The following TBC1D12 variants were observed in gnomAD, a reference collection of about 807,000 sequenced individuals.
The protein encoded by TBC1D12 is TBC1 domain family member 12.
TBC1D12 carries 56 observed loss-of-function variants against 86.7 expected under a neutral mutation model. That is an observed-to-expected ratio of 0.65 (90% CI 0.52 to 0.81). TBC1D12 has a LOEUF of 0.81. Among genes scored for constraint, TBC1D12 ranks in the 30% least tolerant of loss-of-function variants. The pLI is 0.00. For synonymous variants in TBC1D12, 421 were observed against 411.7 expected (o/e 1.02, Z -0.27); for missense variants, 1,023 against 1,038.8 (o/e 0.98, Z 0.21).
intron 7 of TBC1D12, among the ~76,000 whole-genome samples, chr10:94,507,910 C>T (rs2056481022): frequency 6.6e-6 from 1 of 152,134 alleles, no homozygotes; most frequent in Non-Finnish European, 1.5e-5. Context: ...TGTCTTGAAC[C>T]TGGGAGGCAG....
At position 94,522,372 on chromosome 10, in the gene TBC1D12, T is replaced by C. The variant is rs534688453; in HGVS notation, c.1919T>C (p.Val640Ala). ...TTGAAATATTTTGCAACATTTGAAG[T>C]ATTCTTTGAAGAAAATCTTTCCAAA... ...MMLKYFATFE[V>A]FFEENLSKLF... is the part of the protein sequence containing the mutation. Residue 640 changes from valine (V) to alanine (A), a missense_variant, in exon 11 of 13, where the codon GTA (valine) becomes GCA (alanine). Coordinates refer to ENST00000225235, the MANE Select transcript of TBC1D12 (RefSeq NM_015188.2). 34 of 1,456,428 alleles carry C rather than the reference T, an allele frequency of 2.3e-5. No homozygotes were observed. The highest frequency in any genetic ancestry group is 3.2e-5 in the Non-Finnish European group (34 of 1,071,886). 90.2% of individuals were successfully genotyped at this position (1,456,428 alleles called of 1,614,324 possible).
chr10:94,504,028 T>C (rs1158783624), intron 6 of TBC1D12, among the ~76,000 whole-genome samples: 1 of 152,264 alleles, frequency 6.6e-6, no homozygotes, highest in African/African-American at 2.4e-5. Flanking sequence ...ATGACTTAAC[T>C]GTTCTCTCCA....
intron 9 of TBC1D12, among the ~76,000 whole-genome samples, chr10:94,515,243 T>C (rs959679879): frequency 2.6e-5 from 4 of 151,470 alleles, no homozygotes; most frequent in Admixed American, 6.6e-5. Context: ...CCAACACTTA[T>C]GTTTTGTCTT....
Position 94,535,201 on chromosome 10 carries a change from G to A in TBC1D12, c.*2105G>A, listed in dbSNP as rs145914395. The A allele has an allele frequency of 6.6e-6, 1 of 152,112 alleles. No homozygotes were observed. Among genetic ancestry groups the A allele is most frequent in the Admixed American group, 6.6e-5 (1 of 15,264 alleles). The allele number at this position is 152,112 out of a possible 1,614,324, so 9.4% of individuals were successfully genotyped here. A position where few individuals can be genotyped will look rare whatever the true frequency, so the allele number is the denominator to read the frequency against. On this transcript the variant is annotated 3_prime_UTR_variant, in exon 13 of 13. Coordinates refer to ENST00000225235, the MANE Select transcript of TBC1D12 (RefSeq NM_015188.2). ...TGAGGCAGCGAACACATCTTTAGGT[G>A]GGGGCAAGGCTATATCTGATTGACA...
At chr10:94,496,448 A>G (rs137895783) in intron 4 of TBC1D12, among the ~76,000 whole-genome samples, 181 of 152,284 alleles carry the variant, frequency 1.2e-3, no homozygotes, top group Admixed American at 3.5e-3. Flanking sequence ...AAGAGTTAAT[A>G]TACTAATAAT....
At chr10:94,455,670 C>T (rs561811022) in intron 2 of TBC1D12, among the ~76,000 whole-genome samples, 14 of 152,322 alleles carry the variant, frequency 9.2e-5, no homozygotes, top group Admixed American at 7.2e-4. Flanking sequence ...TGGCTCAGGC[C>T]TGTAATCCCA....
intron 11 of TBC1D12, among the ~76,000 whole-genome samples, chr10:94,525,330 G>A (rs1321617562): frequency 6.6e-6 from 1 of 152,028 alleles, no homozygotes; most frequent in Non-Finnish European, 1.5e-5. Flanking sequence ...AAAATATAAT[G>A]GCTGGGCATG....
At chr10:94,484,937 G>T (rs2056137352) in intron 3 of TBC1D12, among the ~76,000 whole-genome samples, 1 of 151,952 alleles carries the variant, frequency 6.6e-6, no homozygotes, top group African/African-American at 2.4e-5. Context: ...ACTGATTTTT[G>T]TCTGTTGATT....
chr10:94,473,523 G>A (rs992539881), intron 2 of TBC1D12, among the ~76,000 whole-genome samples: 1 of 152,166 alleles, frequency 6.6e-6, no homozygotes, highest in African/African-American at 2.4e-5. Flanking sequence ...GGCAATTGTA[G>A]TTAAGCAACT....
chr10:94,522,975 C>T (rs1333985567), intron 11 of TBC1D12, among the ~76,000 whole-genome samples: 3 of 136,026 alleles, frequency 2.2e-5, no homozygotes, highest in East Asian at 2.3e-4. Context: ...ACCCAGGAGG[C>T]GGGAGGTTGC....
chr10:94,529,860 T>A (rs2134236674), intron 11 of TBC1D12, among the ~76,000 whole-genome samples: 1 of 152,098 alleles, frequency 6.6e-6, no homozygotes, highest in Admixed American at 6.5e-5. Context: ...TAATAAAGAG[T>A]AAGTACTGTA....
intron 7 of TBC1D12, chr10:94,508,925 A>G (rs1018151452): frequency 2.0e-5 from 3 of 152,088 alleles, no homozygotes; most frequent in Non-Finnish European, 4.4e-5. Context: ...TTGTATATAA[A>G]AAGAATGTAG....
intron 1 of TBC1D12, among the ~76,000 whole-genome samples, chr10:94,421,369 A>T (rs1291155844): frequency 6.6e-6 from 1 of 152,216 alleles, no homozygotes; most frequent in Non-Finnish European, 1.5e-5. Context: ...TTCCTAATTT[A>T]AAAATGCTGA....
chr10:94,441,354 T>C (rs2055378686), intron 1 of TBC1D12, among the ~76,000 whole-genome samples: 1 of 152,066 alleles, frequency 6.6e-6, no homozygotes. Flanking sequence ...TATCCAAATA[T>C]TGTATTACTT....
chr10:94,500,711 C>A (rs183037897), intron 6 of TBC1D12, among the ~76,000 whole-genome samples: 37 of 152,164 alleles, frequency 2.4e-4, no homozygotes, highest in Non-Finnish European at 3.7e-4. Context: ...CTAAAAGTTT[C>A]TTTTCCTCCT....
Position 94,403,003 on chromosome 10 carries a change from C to T in TBC1D12, c.390C>T (p.His130=), listed in dbSNP as rs772886526. 9 of 1,576,332 alleles carry T rather than the reference C, an allele frequency of 5.7e-6. No individual in the cohort carries two copies. In the African/African-American group the frequency reaches 8.5e-5, roughly 15 times the overall value. ...AEVADGRAPR[H]EGMTNGDSGF... ...TGGCTGATGGCCGCGCGCCGCGGCACGAAGGCATGACCAACGGCGACTCGG... is the reference window on the plus strand; with the variant it reads ...TGGCTGATGGCCGCGCGCCGCGGCATGAAGGCATGACCAACGGCGACTCGG... Residue 130 remains histidine (H), a synonymous_variant, in exon 1 of 13, where the codon CAC becomes CAT. Coordinates refer to ENST00000225235, the MANE Select transcript of TBC1D12 (RefSeq NM_015188.2).
chr10:94,495,801 T>TA (rs2056311287), intron 4 of TBC1D12, among the ~76,000 whole-genome samples: 1 of 151,530 alleles, frequency 6.6e-6, no homozygotes, highest in Admixed American at 6.6e-5. Context: ...ATAAAACAAA[T>TA]AAAAGAAAGT....
chr10:94,430,996 G>A (rs1435421050), intron 1 of TBC1D12, among the ~76,000 whole-genome samples: 1 of 152,158 alleles, frequency 6.6e-6, no homozygotes, highest in Non-Finnish European at 1.5e-5. Flanking sequence ...AGATGGGCGT[G>A]TACATGAACA....
intron 6 of TBC1D12, among the ~76,000 whole-genome samples, chr10:94,500,876 C>T (rs574912921): frequency 3.3e-5 from 5 of 151,484 alleles, no homozygotes; most frequent in African/African-American, 9.7e-5. Flanking sequence ...GCCAACATAG[C>T]GAAACCCTGT....
Sources: gnomAD v4.1 joint callset for allele counts (sites outside exome capture counted in the v4.1 genomes callset) on GRCh38, gnomAD v4.1.1 for gene constraint, MANE v1.5 for transcripts, NCBI Gene and HGNC (gene_info 2026-07-23, HGNC 2026-07-21) for gene names.